FGF9: variants seen among roughly 807,000 people sequenced by gnomAD.
FGF9 encodes fibroblast growth factor 9 (glia-activating factor).
Under a neutral mutation model 19.9 loss-of-function variants are expected in FGF9, and 3 were observed. That is an observed-to-expected ratio of 0.15 (90% confidence interval 0.07 to 0.39). The LOEUF is 0.39. Among genes scored for constraint, FGF9 ranks in the 10% least tolerant of loss-of-function variants. The pLI is 1.00. For synonymous variants in FGF9, 107 were observed against 106.9 expected (o/e 1.00, Z -0.01); for missense variants, 175 against 256.8 (o/e 0.68, Z 2.18).
At chr13:21,690,482 G>C (rs1187483340) in intron 2 of FGF9, among the ~76,000 whole-genome samples, 2 of 152,028 alleles carry the variant, frequency 1.3e-5, no homozygotes, top group Non-Finnish European at 2.9e-5. Context: ...ACAACCCCTT[G>C]TTTCTTGTTT....
intron 2 of FGF9, 119 bp downstream of exon 2, chr13:21,681,264 G>A: frequency 2.6e-6 from 2 of 774,120 alleles, no homozygotes; most frequent in Middle Eastern, 2.4e-4. Context: ...GCGAGTGTAA[G>A]TTTTTACTTT....
chr13:21,676,427 T>C (rs960897790), intron 1 of FGF9, among the ~76,000 whole-genome samples: 4 of 152,240 alleles, frequency 2.6e-5, no homozygotes, highest in African/African-American at 9.6e-5. Flanking sequence ...GACTCTTCAA[T>C]GTCTCAGGAA....
intron 1 of FGF9, among the ~76,000 whole-genome samples, chr13:21,679,867 G>A (rs1380622222): frequency 1.3e-5 from 2 of 148,836 alleles, no homozygotes; most frequent in African/African-American, 5.0e-5. Context: ...TGAGGCAGGA[G>A]AATGGTGTGA....
At chr13:21,693,318 C>T (rs1872334690) in intron 2 of FGF9, among the ~76,000 whole-genome samples, 1 of 151,938 alleles carries the variant, frequency 6.6e-6, no homozygotes, top group African/African-American at 2.4e-5. Context: ...GGGAGGGTGC[C>T]AGGGACAGCC....
At chr13:21,694,226 T>C (rs1230411894) in intron 2 of FGF9, among the ~76,000 whole-genome samples, 3 of 152,228 alleles carry the variant, frequency 2.0e-5, no homozygotes, top group Non-Finnish European at 4.4e-5. Flanking sequence ...GGACACTCTG[T>C]GCATCTTTTA....
chr13:21,699,151 C>T (rs7332774), intron 2 of FGF9, among the ~76,000 whole-genome samples: 108,703 of 152,098 alleles, frequency 0.71, 42,008 homozygotes, highest in East Asian at 0.96. Flanking sequence ...TCTAGGCCCA[C>T]ATGCAGAGGA....
chr13:21,701,561 T>A lies in FGF9; in HGVS notation c.*126T>A. On this transcript the variant is annotated 3_prime_UTR_variant, in exon 3 of 3. Coordinates refer to ENST00000382353, the MANE Select transcript of FGF9 (RefSeq NM_002010.3). ...CTGTTGCCAAACTTTGTCGCATGCA[T>A]AATGTATGATGGAGGCTTGGATGGG... 1 of 1,308,618 alleles carries A rather than the reference T, an allele frequency of 7.6e-7. No individual in the cohort carries two copies. The highest frequency in any genetic ancestry group is 1.1e-6 in the Non-Finnish European group (1 of 910,370). 81.1% of individuals were successfully genotyped at this position (1,308,618 alleles called of 1,614,324 possible).
chr13:21,700,719 A>G (rs1872519624), intron 2 of FGF9, among the ~76,000 whole-genome samples: 1 of 152,222 alleles, frequency 6.6e-6, no homozygotes, highest in Non-Finnish European at 1.5e-5. Context: ...TCTAGGAAAA[A>G]TGGGAACAAC....
chr13:21,678,924 C>T (rs1185985323), intron 1 of FGF9, among the ~76,000 whole-genome samples: 1 of 152,186 alleles, frequency 6.6e-6, no homozygotes, highest in Non-Finnish European at 1.5e-5. Context: ...AAGATATTCA[C>T]ATACATGTGA....
rs191198870 is a variant in FGF9 at position 21,691,025 on chromosome 13, C to T, written c.381+9880C>T. 2.6e-5 allele frequency among the ~76,000 whole-genome samples: 4 copies of T among 152,330 alleles called. No homozygotes were observed. The highest frequency in any genetic ancestry group is 2.1e-4 in the South Asian group (1 of 4,828). On this transcript the variant is annotated intron_variant, in intron 2 of 2. Transcript: ENST00000382353. The surrounding 1 kb of genome is among the most constrained non-coding windows in gnomAD (Gnocchi z 4.2). ...CAGAAACACACATAAAACAAGGTTA[C>T]GTATCTGTTGGCTGACAAAAATCTT... is the stretch of plus-strand genomic sequence containing the variant.
At chr13:21,693,336 C>T (rs1362829397) in intron 2 of FGF9, among the ~76,000 whole-genome samples, 2 of 152,000 alleles carry the variant, frequency 1.3e-5, no homozygotes, top group African/African-American at 4.8e-5. Context: ...GCCTCATCTC[C>T]CTTGCATTCT....
At chr13:21,677,353 C>T (rs1378266757) in intron 1 of FGF9, among the ~76,000 whole-genome samples, 1 of 152,108 alleles carries the variant, frequency 6.6e-6, no homozygotes. Context: ...CCTTCTTTCC[C>T]TTTCTCTCTC....
intron 2 of FGF9, among the ~76,000 whole-genome samples, chr13:21,690,760 G>T (rs1232727844): frequency 1.3e-5 from 2 of 152,322 alleles, no homozygotes; most frequent in East Asian, 3.9e-4. Flanking sequence ...TCTCAGCTCT[G>T]CTGGAAGCAA....
Position 21,691,979 on chromosome 13 carries a change from C to CT in FGF9, c.382-9197dup, listed in dbSNP as rs11439016. ...TGACATTAATTGATTCCCTTTTAAT[C>CT]TTTTTTTTTTTTTTGTAATTCTTCA... On this transcript the variant is annotated intron_variant, in intron 2 of 2. Coordinates refer to ENST00000382353, the MANE Select transcript of FGF9 (RefSeq NM_002010.3). The surrounding 1 kb of genome is among the most constrained non-coding windows in gnomAD (Gnocchi z 4.2). Among the ~76,000 whole-genome samples the CT allele has an allele frequency of 0.44, 63,477 of 145,212 alleles. 14,742 individuals carry two copies. The highest frequency in any genetic ancestry group is 0.64 in the African/African-American group (25,218 of 39,428).
At chr13:21,678,140 C>T (rs1308130065) in intron 1 of FGF9, among the ~76,000 whole-genome samples, 1 of 152,106 alleles carries the variant, frequency 6.6e-6, no homozygotes, top group Admixed American at 6.5e-5. Context: ...ATAATAAACC[C>T]TCAATAATAG....
chr13:21,700,501 G>C (rs1387299627), intron 2 of FGF9, among the ~76,000 whole-genome samples: 1 of 152,200 alleles, frequency 6.6e-6, no homozygotes, highest in African/African-American at 2.4e-5. Context: ...GCTATACACG[G>C]AATGAAGTTT....
Position 21,672,299 on chromosome 13 carries a change from C to A in FGF9, c.277+110C>A. 8.4e-7 allele frequency: 1 copy of A among 1,187,292 alleles called. No individual in the cohort carries two copies. Among genetic ancestry groups the A allele is most frequent in the Non-Finnish European group, 1.2e-6 (1 of 801,610 alleles). The allele number at this position is 1,187,292 out of a possible 1,614,324, so 73.5% of individuals were successfully genotyped here. On this transcript the variant is annotated intron_variant, in intron 1 of 2. Transcript: ENST00000382353. This position sits in a 1 kb window ranked among gnomAD's most constrained non-coding sequence, Gnocchi z 4.2. ...CGTGGGAAGGGTTCTCCCCTCCTCC[C>A]CTCTTTCTCTGTATCTCTGTCTCTC...
At chr13:21,696,745 C>A (rs1405144606) in intron 2 of FGF9, among the ~76,000 whole-genome samples, 2 of 152,106 alleles carry the variant, frequency 1.3e-5, no homozygotes, top group Non-Finnish European at 2.9e-5. Context: ...AAATACATAA[C>A]ATAAGTATTT....
chr13:21,692,470 C>T (rs1565952362), intron 2 of FGF9, among the ~76,000 whole-genome samples: 4 of 152,164 alleles, frequency 2.6e-5, no homozygotes, highest in African/African-American at 4.8e-5. Flanking sequence ...AGATGAAGCA[C>T]GGTTAGTGGA....
Sources: gnomAD v4.1 joint callset for allele counts (sites outside exome capture counted in the v4.1 genomes callset) on GRCh38, gnomAD v4.1.1 for gene constraint, Gnocchi (gnomAD v3.1) non-coding constraint, MANE v1.5 for transcripts, NCBI Gene and HGNC (gene_info 2026-07-23, HGNC 2026-07-21) for gene names.